Variants in LRP6 observed in about 807,000 individuals in gnomAD.
LRP6 encodes LDL receptor related protein 6.
A neutral mutation model predicts 184.1 loss-of-function variants in LRP6; 43 were observed. The observed-to-expected ratio is 0.23, with a 90% CI of 0.18 to 0.30. LRP6 has a LOEUF of 0.30. Among genes scored for constraint, LRP6 ranks in the 10% least tolerant of loss-of-function variants. The pLI, the probability that LRP6 is intolerant of heterozygous loss-of-function variation, is 1.00. For synonymous variants in LRP6, 719 were observed against 684.9 expected (o/e 1.05, Z -0.78); for missense variants, 1,571 against 2,005.3 (o/e 0.78, Z 4.14).
At chr12:12,159,395 TC>T (rs1426377279) in intron 11 of LRP6, among the ~76,000 whole-genome samples, 2 of 152,206 alleles carry the variant, frequency 1.3e-5, no homozygotes, top group Non-Finnish European at 2.9e-5. Flanking sequence ...TCACTCAGTT[TC>T]CTAAAATTCT....
chr12:12,250,525 GC>G (rs1359968252), intron 1 of LRP6, among the ~76,000 whole-genome samples: 1 of 151,070 alleles, frequency 6.6e-6, no homozygotes, highest in Non-Finnish European at 1.5e-5. Context: ...TAGGATCTCA[GC>G]CCTTGGAAAC....
At chr12:12,254,605 T>C (rs2135935959) in intron 1 of LRP6, among the ~76,000 whole-genome samples, 1 of 152,350 alleles carries the variant, frequency 6.6e-6, no homozygotes, top group South Asian at 2.1e-4. Context: ...CTGCAGAGGT[T>C]CAATGAGTCT....
chr12:12,165,612 C>T (rs985327162), intron 7 of LRP6, among the ~76,000 whole-genome samples: 6 of 152,150 alleles, frequency 3.9e-5, no homozygotes, highest in African/African-American at 4.8e-5. Context: ...TAAGTTTGCA[C>T]ATTTGTTTTC....
At chr12:12,166,676 CACTT>C (rs1237207544) in intron 7 of LRP6, among the ~76,000 whole-genome samples, 3 of 152,152 alleles carry the variant, frequency 2.0e-5, no homozygotes, top group Admixed American at 1.3e-4. Flanking sequence ...TAAAGAATAA[CACTT>C]ATATTTCTAC....
chr12:12,142,648 A>C (rs1412230277), intron 15 of LRP6, among the ~76,000 whole-genome samples: 1 of 152,178 alleles, frequency 6.6e-6, no homozygotes, highest in East Asian at 1.9e-4. Context: ...GCAAAACACC[A>C]ACAAATACCT....
chr12:12,241,551 TAAA>T (rs1332263854), intron 2 of LRP6, among the ~76,000 whole-genome samples: 1 of 152,146 alleles, frequency 6.6e-6, no homozygotes, highest in Non-Finnish European at 1.5e-5. Flanking sequence ...GAGTCGTTTT[TAAA>T]ATAACCATGA....
Position 12,266,846 on chromosome 12 carries a change from G to A in LRP6, c.-111C>T. Reference sequence around the variant, plus strand: ...CAGGGCTGCACGCTCATACTTCCCAGCTTCCCAGCGAGAGAAGAAAGAAAG... The same window carrying A: ...CAGGGCTGCACGCTCATACTTCCCAACTTCCCAGCGAGAGAAGAAAGAAAG... On this transcript the variant is annotated 5_prime_UTR_variant, in exon 1 of 23. Coordinates refer to ENST00000261349, the MANE Select transcript of LRP6 (RefSeq NM_002336.3). The A allele has an allele frequency of 1.1e-6, 1 of 878,082 alleles. No homozygotes were observed. The highest frequency in any genetic ancestry group is 1.4e-5 in the South Asian group (1 of 71,396). 54.4% of individuals were successfully genotyped at this position (878,082 alleles called of 1,614,324 possible).
At chr12:12,233,777 A>T (rs1816967706) in intron 2 of LRP6, among the ~76,000 whole-genome samples, 2 of 152,214 alleles carry the variant, frequency 1.3e-5, no homozygotes, top group Admixed American at 1.3e-4. Context: ...TTCTAGAAAA[A>T]ATATTTTTTA....
intron 12 of LRP6, chr12:12,155,523 G>T: frequency 1.3e-6 from 1 of 766,332 alleles, no homozygotes. Context: ...CTTGCCAACA[G>T]AATTAATATG....
intron 12 of LRP6, chr12:12,155,702 C>T: frequency 1.0e-6 from 1 of 977,752 alleles, no homozygotes; most frequent in Non-Finnish European, 1.7e-6. Flanking sequence ...CCCAGAGAAG[C>T]ATATTTTGTG....
chr12:12,238,235 ACAG>A (rs1565695982), intron 2 of LRP6, among the ~76,000 whole-genome samples: 1 of 151,686 alleles, frequency 6.6e-6, no homozygotes, highest in Non-Finnish European at 1.5e-5. Context: ...AAAAAAAAAA[ACAG>A]AAAGTGGCTC....
intron 1 of LRP6, among the ~76,000 whole-genome samples, chr12:12,265,224 A>G (rs1207826647): frequency 6.6e-6 from 1 of 152,194 alleles, no homozygotes; most frequent in African/African-American, 2.4e-5. Context: ...ATAAGTATAT[A>G]CTTATGAAAC....
intron 3 of LRP6, among the ~76,000 whole-genome samples, chr12:12,202,926 G>A (rs559556733): frequency 3.3e-5 from 5 of 152,318 alleles, no homozygotes; most frequent in African/African-American, 1.2e-4. Context: ...AACAAAGGCA[G>A]TAAAGATGCT....
intron 22 of LRP6, 141 bp from the exon 23 acceptor site, chr12:12,121,561 C>A: frequency 2.7e-6 from 2 of 737,862 alleles, no homozygotes; most frequent in African/African-American, 1.8e-5. Context: ...GACCAAGAGG[C>A]AATTTTCAAT....
intron 2 of LRP6, among the ~76,000 whole-genome samples, chr12:12,229,161 G>A (rs901889896): frequency 3.3e-5 from 5 of 152,032 alleles, no homozygotes; most frequent in African/African-American, 1.2e-4. Flanking sequence ...ACCTGAGGTT[G>A]GGAGTTCGAG....
chr12:12,219,014 G>C (rs1864419522), intron 2 of LRP6, among the ~76,000 whole-genome samples: 1 of 151,828 alleles, frequency 6.6e-6, no homozygotes, highest in Non-Finnish European at 1.5e-5. Context: ...CGAGGCGGGT[G>C]ATCACCTGAG....
chr12:12,120,241 A>C lies in LRP6; in HGVS notation c.*885T>G, dbSNP rs1949587195. 1 of 151,902 alleles carries C rather than the reference A, an allele frequency of 6.6e-6. No individual in the cohort carries two copies. The highest frequency in any genetic ancestry group is 1.5e-5 in the Non-Finnish European group (1 of 67,974). 9.4% of individuals were successfully genotyped at this position (151,902 alleles called of 1,614,324 possible). On this transcript the variant is annotated 3_prime_UTR_variant, in exon 23 of 23. Transcript: ENST00000261349. ...TGATCATTATGCAAAAACAGCAGTC[A>C]AATTGAAGAGCTAAGCCTACTGGGG...
chr12:12,198,267 T>G (rs1382930572), intron 3 of LRP6, among the ~76,000 whole-genome samples: 1 of 152,172 alleles, frequency 6.6e-6, no homozygotes, highest in Non-Finnish European at 1.5e-5. Context: ...AGTTGTTCTA[T>G]TCCCTTGCTT....
chr12:12,150,465 AG>A lies in LRP6; in HGVS notation c.2994+370del, dbSNP rs201786546. 6.1e-3 allele frequency among the ~76,000 whole-genome samples: 926 copies of A among 152,350 alleles called. 4 individuals carry two copies. Among genetic ancestry groups the A allele is most frequent in the Non-Finnish European group, 8.3e-3 (563 of 68,038 alleles). ...GCTTTGCATTCTTTTCAGCTAAAAA[AG>A]TTCCTAAGAATCCTAAGTGAGGGAT... On this transcript the variant is annotated intron_variant, in intron 13 of 22. Coordinates refer to ENST00000261349, the MANE Select transcript of LRP6 (RefSeq NM_002336.3).
Sources: gnomAD v4.1 joint callset for allele counts (sites outside exome capture counted in the v4.1 genomes callset) on GRCh38, gnomAD v4.1.1 for gene constraint, MANE v1.5 for transcripts, NCBI Gene and HGNC (gene_info 2026-07-23, HGNC 2026-07-21) for gene names.